The following PPM1A variants were observed in gnomAD, a reference collection of about 807,000 sequenced individuals.
PPM1A encodes protein phosphatase 1A.
A neutral mutation model predicts 35.0 loss-of-function variants in PPM1A; 7 were observed. That is an observed-to-expected ratio of 0.20 (90% confidence interval 0.11 to 0.38). PPM1A has a LOEUF of 0.38. PPM1A is among the 10% of genes least tolerant of loss of function. The pLI is 1.00. For synonymous variants in PPM1A, 153 were observed against 167.3 expected, an observed-to-expected ratio of 0.91 and a Z score of 0.66; for missense variants, 239 against 467.8, an observed-to-expected ratio of 0.51 and a Z score of 4.51.
At chr14:60,280,872 T>C (rs1886324201) in intron 1 of PPM1A, among the ~76,000 whole-genome samples, 2 of 152,212 alleles carry the variant, frequency 1.3e-5, no homozygotes, top group African/African-American at 4.8e-5. Context: ...GATAATTCTG[T>C]TGCACAGCCA....
chr14:60,287,090 A>T, intron 3 of PPM1A: 1 of 948,246 alleles, frequency 1.1e-6, no homozygotes, highest in South Asian at 4.9e-5. Context: ...TTGGGCAGAC[A>T]TGTTTTCTTA....
At chr14:60,256,127 T>G (rs2139347640) in intron 1 of PPM1A, among the ~76,000 whole-genome samples, 1 of 152,288 alleles carries the variant, frequency 6.6e-6, no homozygotes, top group South Asian at 2.1e-4. Context: ...TTTTCAGTGT[T>G]TAGAAAATAC....
intron 1 of PPM1A, among the ~76,000 whole-genome samples, chr14:60,265,790 G>A (rs1023768970): frequency 9.9e-5 from 15 of 152,084 alleles, no homozygotes; most frequent in African/African-American, 3.6e-4. Context: ...GGGCAAGACG[G>A]GGCCAGACTC....
At chr14:60,280,745 T>G (rs971021452) in intron 1 of PPM1A, among the ~76,000 whole-genome samples, 8 of 152,360 alleles carry the variant, frequency 5.3e-5, no homozygotes, top group African/African-American at 1.7e-4. Context: ...TCCAGCAGTT[T>G]GCAACCTTAC....
In PPM1A at chr14:60,249,313, T is replaced by C; in HGVS notation, c.-385T>C. The C allele has an allele frequency of 6.2e-6, 6 of 966,896 alleles. No individual in the cohort carries two copies. Among genetic ancestry groups the C allele is most frequent in the Non-Finnish European group, 7.3e-6 (6 of 824,794 alleles). 59.9% of individuals were successfully genotyped at this position (966,896 alleles called of 1,614,324 possible). Reference sequence around the variant, plus strand: ...TCTCGGCGCTCGTCCGGCCCGCAGCTTCGGGTCCTCAGGCGGCTGTTGCTC... The same window carrying C: ...TCTCGGCGCTCGTCCGGCCCGCAGCCTCGGGTCCTCAGGCGGCTGTTGCTC... On this transcript the variant is annotated 5_prime_UTR_variant, in exon 1 of 6. Coordinates refer to ENST00000395076, the MANE Select transcript of PPM1A (RefSeq NM_021003.5). The surrounding 1 kb of genome is among the most constrained non-coding windows in gnomAD (Gnocchi z 4.5).
chr14:60,249,952 G>C lies in PPM1A; in HGVS notation c.-21+275G>C, dbSNP rs1406699307. 6.6e-6 allele frequency among the ~76,000 whole-genome samples: 1 copy of C among 151,622 alleles called. No homozygotes were observed. The highest frequency in any genetic ancestry group is 1.5e-5 in the Non-Finnish European group (1 of 67,806). ...AGGGGGCGCGACCCTCTGGCCGTCC[G>C]CGGCCGAGATGGGTGTTTGTGGCGG... On this transcript the variant is annotated intron_variant, in intron 1 of 5. Transcript: ENST00000395076. The surrounding 1 kb of genome is among the most constrained non-coding windows in gnomAD (Gnocchi z 4.5).
rs751672907 is a variant in PPM1A, at chr14:60,283,021, G to T, written c.318G>T (p.Leu106=). ...NVKNGIRTGF[L]EIDEHMRVMS... Reference sequence around the variant, plus strand: ...AGAATGGAATCAGAACAGGTTTTCTGGAGATTGATGAACACATGAGAGTTA... The same window carrying T: ...AGAATGGAATCAGAACAGGTTTTCTTGAGATTGATGAACACATGAGAGTTA... Residue 106 remains leucine, a synonymous_variant, in exon 2 of 6, where the codon CTG becomes CTT. Transcript: ENST00000395076. The surrounding 1 kb of genome is among the most constrained non-coding windows in gnomAD (Gnocchi z 6.3). The T allele has an allele frequency of 6.2e-7, 1 of 1,614,206 alleles. No homozygotes were observed. The highest frequency in any genetic ancestry group is 1.1e-5 in the South Asian group (1 of 91,084).
chr14:60,250,455 T>TA (rs1882249214), intron 1 of PPM1A: 1 of 983,152 alleles, frequency 1.0e-6, no homozygotes, highest in Non-Finnish European at 1.2e-6. Context: ...CAGTTTTAGA[T>TA]ACGTTTTGAA....
chr14:60,281,740 C>G (rs899403216), intron 1 of PPM1A, among the ~76,000 whole-genome samples: 2 of 152,280 alleles, frequency 1.3e-5, no homozygotes, highest in East Asian at 3.9e-4. Flanking sequence ...CATTCTAGAC[C>G]AGCGGGTGTT....
chr14:60,290,063 ATATC>A, intron 4 of PPM1A, 149 bp downstream of exon 4: 1 of 544,226 alleles, frequency 1.8e-6, no homozygotes, highest in Non-Finnish European at 3.2e-6. Context: ...TAGTATTAGA[ATATC>A]TAGAGTTTGT....
At chr14:60,281,713 T>C (rs769146246) in intron 1 of PPM1A, among the ~76,000 whole-genome samples, 10 of 152,210 alleles carry the variant, frequency 6.6e-5, no homozygotes, top group Non-Finnish European at 7.4e-5. Context: ...CAGCTGTCTC[T>C]TTGCCTTGTG....
At chr14:60,270,015 T>A (rs1884896329) in intron 1 of PPM1A, among the ~76,000 whole-genome samples, 1 of 152,248 alleles carries the variant, frequency 6.6e-6, no homozygotes, top group Non-Finnish European at 1.5e-5. Flanking sequence ...CTTTGAAATT[T>A]AATTTTTCTT....
In PPM1A at chr14:60,283,078, T is replaced by C. The variant is rs1399244648; in HGVS notation, c.375T>C (p.Ser125=). ...MSEKKHGADR[S]GSTAVGVLIS... ...AGAAGAAACATGGTGCAGATAGAAGTGGGTCAACAGCTGTAGGTGTCTTAA... is the reference window on the plus strand; with the variant it reads ...AGAAGAAACATGGTGCAGATAGAAGCGGGTCAACAGCTGTAGGTGTCTTAA... The change falls in exon 2 of 6, where the codon AGT becomes AGC. Residue 125 remains serine, a synonymous_variant. Coordinates refer to ENST00000395076, the MANE Select transcript of PPM1A (RefSeq NM_021003.5). This position sits in a 1 kb window ranked among gnomAD's most constrained non-coding sequence, Gnocchi z 6.3. 1 of 1,614,178 alleles carries C rather than the reference T, an allele frequency of 6.2e-7. No individual in the cohort carries two copies. Among genetic ancestry groups the C allele is most frequent in the Non-Finnish European group, 8.5e-7 (1 of 1,180,040 alleles).
rs1490160636 is a variant in PPM1A at position 60,253,264 on chromosome 14, T to A, written c.-21+3587T>A. ...TGGCTGATACGATTTAGAATTAAGA[T>A]CTTTTGAGACTAAACTACTTCTAGA... On this transcript the variant is annotated intron_variant, in intron 1 of 5. Transcript: ENST00000395076. Among the ~76,000 whole-genome samples the A allele has an allele frequency of 2.6e-5, 4 of 152,272 alleles. No homozygotes were observed. The East Asian group carries it at 7.7e-4, about 29-fold the overall frequency.
Position 60,283,687 on chromosome 14 carries a change from G to A in PPM1A, c.834+150G>A, listed in dbSNP as rs1886636658. 1.3e-6 allele frequency: 1 copy of A among 746,058 alleles called. No individual in the cohort carries two copies. The allele number at this position is 746,058 out of a possible 1,614,324, so 46.2% of individuals were successfully genotyped here. ...CACCAATTATGAAAATATATCATAG[G>A]ACCACTATGTAGAAATAAATTACCC... On this transcript the variant is annotated intron_variant, in intron 2 of 5. Coordinates refer to ENST00000395076, the MANE Select transcript of PPM1A (RefSeq NM_021003.5). The surrounding 1 kb of genome is among the most constrained non-coding windows in gnomAD (Gnocchi z 6.3).
chr14:60,264,101 T>TA (rs1435535634), intron 1 of PPM1A, among the ~76,000 whole-genome samples: 1 of 152,184 alleles, frequency 6.6e-6, no homozygotes, highest in Non-Finnish European at 1.5e-5. Flanking sequence ...AGTACATCCT[T>TA]TAGTAATCCT....
At position 60,289,987 on chromosome 14, in the gene PPM1A, T is replaced by C; in HGVS notation, c.1061+73T>C. ...ATGTTAGGTATTCATTGATAAAATG[T>C]TTGTTTGCCTAATTTCTGAACTGAT... is the stretch of plus-strand genomic sequence containing the variant. On this transcript the variant is annotated intron_variant, in intron 4 of 5. Transcript: ENST00000395076. The surrounding 1 kb of genome is among the most constrained non-coding windows in gnomAD (Gnocchi z 4.1). 1 of 1,056,714 alleles carries C rather than the reference T, an allele frequency of 9.5e-7. No individual in the cohort carries two copies. Among genetic ancestry groups the C allele is most frequent in the Non-Finnish European group, 1.4e-6 (1 of 738,970 alleles). 65.5% of individuals were successfully genotyped at this position (1,056,714 alleles called of 1,614,324 possible).
chr14:60,279,765 A>T (rs1191279671), intron 1 of PPM1A, among the ~76,000 whole-genome samples: 1 of 152,232 alleles, frequency 6.6e-6, no homozygotes, highest in Non-Finnish European at 1.5e-5. Flanking sequence ...TGAAGTGTTT[A>T]AAGTGTCTTT....
chr14:60,286,789 T>A (rs927464771), intron 3 of PPM1A: 10 of 982,432 alleles, frequency 1.0e-5, no homozygotes, highest in Middle Eastern at 5.2e-4. Context: ...TTGTTTTTAT[T>A]GCTGTCCGCC....
Sources: allele counts gnomAD v4.1 joint callset (sites outside exome capture counted in the v4.1 genomes callset), GRCh38; gene constraint gnomAD v4.1.1; non-coding constraint Gnocchi (gnomAD v3.1); transcripts MANE v1.5; gene names NCBI Gene and HGNC (gene_info 2026-07-23, HGNC 2026-07-21).